WDR37: variants seen among roughly 807,000 people sequenced by gnomAD.
WDR37 encodes the protein WD repeat-containing protein 37.
A neutral mutation model predicts 62.9 loss-of-function variants in WDR37; 19 were observed. The observed-to-expected ratio is 0.30, with a 90% confidence interval of 0.21 to 0.44. WDR37 has a LOEUF of 0.44. Among genes scored for constraint, WDR37 ranks in the 20% least tolerant of loss-of-function variants. The pLI is 1.00. For synonymous variants in WDR37, 250 were observed against 260.9 expected (o/e 0.96, Z 0.40); for missense variants, 474 against 657.6 (o/e 0.72, Z 3.05).
chr10:1,115,802 G>C (rs1471045878), intron 11 of WDR37, among the ~76,000 whole-genome samples: 1 of 152,160 alleles, frequency 6.6e-6, no homozygotes, highest in Non-Finnish European at 1.5e-5. Flanking sequence ...TGGAGAGCCA[G>C]CCATCTACCA....
intron 1 of WDR37, among the ~76,000 whole-genome samples, chr10:1,066,076 TAAAA>T (rs745641530): frequency 6.6e-6 from 1 of 150,896 alleles, no homozygotes; most frequent in African/African-American, 2.4e-5. Flanking sequence ...ACACAAAAAA[TAAAA>T]AGAGAGATGT....
chr10:1,119,724 G>C lies in WDR37; in HGVS notation c.1104-4494G>C, dbSNP rs577212957. ...CGCTGGGAGGAGGGAGGCGTCACTG[G>C]AGTGACTTTACCTCCTCCTCTTCTG... On this transcript the variant is annotated intron_variant, in intron 11 of 13. Coordinates refer to ENST00000263150, the MANE Select transcript of WDR37 (RefSeq NM_014023.4). 3.3e-5 allele frequency among the ~76,000 whole-genome samples: 5 copies of C among 152,332 alleles called. No individual in the cohort carries two copies. The South Asian group carries it at 1.0e-3, about 32-fold the overall frequency.
Position 1,056,670 on chromosome 10 carries a change from G to C in WDR37, c.-339G>C, listed in dbSNP as rs1589065565. 1 of 152,244 alleles carries C rather than the reference G, an allele frequency of 6.6e-6. No individual in the cohort carries two copies. The highest frequency in any genetic ancestry group is 2.4e-5 in the African/African-American group (1 of 41,458). 9.4% of individuals were successfully genotyped at this position (152,244 alleles called of 1,614,324 possible). A position where few individuals can be genotyped will look rare whatever the true frequency, so the allele number is the denominator to read the frequency against. On this transcript the variant is annotated 5_prime_UTR_variant, in exon 1 of 14. Coordinates refer to ENST00000263150, the MANE Select transcript of WDR37 (RefSeq NM_014023.4). ...CCCAGCAGCCGAAGGGGTCTTCAGC[G>C]CGCCCAGACCCCTCGGGGCTGCGGG...
At chr10:1,119,209 A>T (rs1424115798) in intron 11 of WDR37, among the ~76,000 whole-genome samples, 1 of 152,210 alleles carries the variant, frequency 6.6e-6, no homozygotes, top group Non-Finnish European at 1.5e-5. Context: ...ACGTTCTAGG[A>T]TGATAAGATC....
At chr10:1,124,781 A>G in intron 12 of WDR37, 129 bp from the exon 13 acceptor site, 2 of 1,231,514 alleles carry the variant, frequency 1.6e-6, no homozygotes, top group South Asian at 3.0e-5. Flanking sequence ...CAGGTGGTAC[A>G]CGCAGTGTGT....
chr10:1,092,833 G>T lies in WDR37; in HGVS notation c.605-619G>T, dbSNP rs1834441482. On this transcript the variant is annotated intron_variant, in intron 7 of 13. Transcript: ENST00000263150. Reference sequence around the variant, plus strand: ...TGTAGTGAGCTGAGATCGTGCCATTGCATTCCAGCCTAGGCAACCAGAGCA... The same window carrying T: ...TGTAGTGAGCTGAGATCGTGCCATTTCATTCCAGCCTAGGCAACCAGAGCA... Among the ~76,000 whole-genome samples the T allele has an allele frequency of 2.4e-5, 3 of 127,112 alleles. No homozygotes were observed. In the South Asian group the frequency reaches 7.5e-4, roughly 32 times the overall value. The allele number at this position is 127,112 out of a possible 152,430, so 83.4% of individuals were successfully genotyped here.
At chr10:1,101,803 G>C (rs759771150) in intron 9 of WDR37, among the ~76,000 whole-genome samples, 1 of 152,268 alleles carries the variant, frequency 6.6e-6, no homozygotes, top group Non-Finnish European at 1.5e-5. Context: ...CCTCACATCC[G>C]ACTCACGTGC....
In WDR37 at chr10:1,126,842, G is replaced by A. The variant is rs867464690; in HGVS notation, c.1353+1818G>A. On this transcript the variant is annotated intron_variant, in intron 13 of 13. Transcript: ENST00000263150. ...GGGTGTCTCTTCAGTCCCCTTCCTG[G>A]CATGAGAGTGCACTGTTTGAAGTTA... Among the ~76,000 whole-genome samples the A allele has an allele frequency of 5.9e-5, 9 of 152,224 alleles. No homozygotes were observed. The South Asian group carries it at 1.7e-3, about 28-fold the overall frequency.
intron 13 of WDR37, among the ~76,000 whole-genome samples, chr10:1,128,015 T>TA (rs1303300766): frequency 1.3e-5 from 2 of 152,262 alleles, no homozygotes; most frequent in African/African-American, 2.4e-5. Flanking sequence ...TGCCTCCAGT[T>TA]AGTGGATGCA....
chr10:1,106,724 T>C (rs913009119), intron 11 of WDR37, among the ~76,000 whole-genome samples: 17 of 152,074 alleles, frequency 1.1e-4, no homozygotes, highest in African/African-American at 4.1e-4. Flanking sequence ...ACCATGTTGG[T>C]TGGGCTGGTC....
chr10:1,097,402 A>C (rs1043989652), intron 9 of WDR37, among the ~76,000 whole-genome samples: 2 of 152,166 alleles, frequency 1.3e-5, no homozygotes, highest in African/African-American at 4.8e-5. Flanking sequence ...AGAATGAAGG[A>C]AGGCATCAGA....
At chr10:1,084,700 T>C (rs879663529) in intron 6 of WDR37, among the ~76,000 whole-genome samples, 162 bp downstream of exon 6, 4 of 152,218 alleles carry the variant, frequency 2.6e-5, no homozygotes, top group Non-Finnish European at 5.9e-5. Context: ...ATGCTTAGTG[T>C]TGTGGCCTGA....
intron 1 of WDR37, among the ~76,000 whole-genome samples, chr10:1,065,499 T>C (rs1833509339): frequency 6.6e-6 from 1 of 152,068 alleles, no homozygotes; most frequent in Non-Finnish European, 1.5e-5. Flanking sequence ...GAATGAATGA[T>C]ACACCATGAA....
intron 12 of WDR37, 79 bp from the exon 13 acceptor site, chr10:1,124,831 C>T (rs1448960105): frequency 6.5e-7 from 1 of 1,543,660 alleles, no homozygotes; most frequent in Non-Finnish European, 8.8e-7. Context: ...TATGGAACCT[C>T]CTGCTTCATT....
chr10:1,068,571 A>T (rs1160712478), intron 1 of WDR37, among the ~76,000 whole-genome samples: 1 of 152,172 alleles, frequency 6.6e-6, no homozygotes, highest in African/African-American at 2.4e-5. Flanking sequence ...AAATTTTCAT[A>T]AAAGAGTAAT....
intron 13 of WDR37, among the ~76,000 whole-genome samples, chr10:1,125,901 C>T (rs1488459949): frequency 6.6e-6 from 1 of 152,216 alleles, no homozygotes; most frequent in Non-Finnish European, 1.5e-5. Flanking sequence ...CTGTTCAGCC[C>T]ACCCGTCCTG....
rs147244111 is a variant in WDR37 at position 1,071,828 on chromosome 10, G to C, written c.-40-288G>C. On this transcript the variant is annotated intron_variant, in intron 1 of 13. Transcript: ENST00000263150. ...CCCTCGGGGGAGTAGACTGTGCCTG[G>C]GGAATTCCGTTGGGTTAAGGGAGAG... 6.4e-3 allele frequency among the ~76,000 whole-genome samples: 978 copies of C among 152,110 alleles called. 13 individuals carry two copies. The highest frequency in any genetic ancestry group is 4.9e-3 in the Non-Finnish European group (330 of 67,988).
At chr10:1,066,857 C>T (rs1390666318) in intron 1 of WDR37, among the ~76,000 whole-genome samples, 2 of 152,210 alleles carry the variant, frequency 1.3e-5, no homozygotes. Flanking sequence ...AGGAGCGAGT[C>T]ACATTCTGCG....
At chr10:1,118,341 G>A (rs1835467724) in intron 11 of WDR37, among the ~76,000 whole-genome samples, 1 of 132,982 alleles carries the variant, frequency 7.5e-6, no homozygotes, top group Non-Finnish European at 1.6e-5. Context: ...CCCTCAGCCA[G>A]CCCTACTTGA....
Sources: allele counts gnomAD v4.1 joint callset (sites outside exome capture counted in the v4.1 genomes callset), GRCh38; gene constraint gnomAD v4.1.1; transcripts MANE v1.5; gene names NCBI Gene and HGNC (gene_info 2026-07-23, HGNC 2026-07-21).